The following CEP120 variants were observed in gnomAD, a reference collection of about 807,000 sequenced individuals.
The protein encoded by CEP120 is centrosomal protein of 120 kDa.
A neutral mutation model predicts 126.5 loss-of-function variants in CEP120; 113 were observed. That is an observed-to-expected ratio of 0.89 (90% CI 0.77 to 1.04). The LOEUF (loss-of-function observed/expected upper bound fraction) is 1.04, where lower values mean the gene tolerates loss of function less well. Among genes scored for constraint, CEP120 ranks in the 50% least tolerant of loss-of-function variants. The pLI is 0.00. For synonymous variants in CEP120, 400 were observed against 394.3 expected, an observed-to-expected ratio of 1.01 and a Z score of -0.17; for missense variants, 1,230 against 1,155.7, an observed-to-expected ratio of 1.06 and a Z score of -0.93.
rs948498487 is a variant in CEP120, at chr5:123,389,872, C to T, written c.1255+52G>A. 74 of 1,480,404 alleles carry T rather than the reference C, an allele frequency of 5.0e-5. No homozygotes were observed. In the African/African-American group the frequency reaches 9.4e-4, roughly 19 times the overall value. 91.7% of individuals were successfully genotyped at this position (1,480,404 alleles called of 1,614,324 possible). A position where few individuals can be genotyped will look rare whatever the true frequency, so the allele number is the denominator to read the frequency against. ...GTTCTCATAGTCATTTTTTAGATGGCTGCAAAATGCAATACCTCAAAGATC... is the reference window on the plus strand; with the variant it reads ...GTTCTCATAGTCATTTTTTAGATGGTTGCAAAATGCAATACCTCAAAGATC... On this transcript the variant is annotated intron_variant, in intron 8 of 19. Transcript: ENST00000306467.
At chr5:123,382,251 T>C (rs1771698271) in intron 13 of CEP120, 51 bp from the exon 14 acceptor site, 1 of 1,096,880 alleles carries the variant, frequency 9.1e-7, no homozygotes, top group Non-Finnish European at 1.3e-6. Flanking sequence ...ATATGTCAAA[T>C]AAATGAATCA....
intron 17 of CEP120, among the ~76,000 whole-genome samples, chr5:123,368,820 G>A (rs1770652941): frequency 1.3e-5 from 2 of 151,944 alleles, no homozygotes; most frequent in Non-Finnish European, 2.9e-5. Context: ...TATCACAACA[G>A]AGTGAATTCA....
chr5:123,403,724 T>C (rs1170611791), intron 4 of CEP120: 1 of 426,016 alleles, frequency 2.3e-6, no homozygotes. Context: ...GAACGTGGCA[T>C]CTGTTCGATG....
Position 123,393,477 on chromosome 5 carries a change from T to G in CEP120, c.633A>C (p.Lys211Asn). 6.2e-7 allele frequency: 1 copy of G among 1,613,906 alleles called. No homozygotes were observed. The highest frequency in any genetic ancestry group is 8.5e-7 in the Non-Finnish European group (1 of 1,179,838). ...QLEQLIPCTMKLPERQPEFFF... is the reference protein window; with the variant it reads ...QLEQLIPCTMNLPERQPEFFF... ...AAAACTCAGGCTGTCTTTCTGGAAG[T>G]TTCATGGTACATGGAATTAACTAAA... The change falls in exon 6 of 20, where the codon AAA (lysine) becomes AAC (asparagine). Residue 211 changes from lysine to asparagine, a missense_variant. Transcript: ENST00000306467.
At chr5:123,412,796 A>C (rs1318552242) in intron 3 of CEP120, among the ~76,000 whole-genome samples, 1 of 152,230 alleles carries the variant, frequency 6.6e-6, no homozygotes, top group Non-Finnish European at 1.5e-5. Flanking sequence ...AAATATTAAA[A>C]GGAAGAAAGC....
intron 18 of CEP120, 26 bp downstream of exon 18, chr5:123,364,470 A>C: frequency 5.4e-6 from 8 of 1,476,432 alleles, no homozygotes; most frequent in Non-Finnish European, 7.4e-6. Flanking sequence ...AAAAGATATA[A>C]AAAGAATAAG....
intron 18 of CEP120, among the ~76,000 whole-genome samples, chr5:123,363,279 G>A (rs577356752): frequency 3.3e-5 from 5 of 151,542 alleles, no homozygotes; most frequent in Admixed American, 1.3e-4. Flanking sequence ...TTAAATAGAC[G>A]TACTTTCTCC....
intron 6 of CEP120, 106 bp from the exon 7 acceptor site, chr5:123,391,443 T>C: frequency 1.2e-6 from 1 of 821,982 alleles, no homozygotes; most frequent in Non-Finnish European, 1.9e-6. Flanking sequence ...AAAGAAAATA[T>C]TATGCAGGTT....
chr5:123,413,820 T>A (rs1178383029), intron 3 of CEP120, among the ~76,000 whole-genome samples: 1 of 152,226 alleles, frequency 6.6e-6, no homozygotes, highest in Non-Finnish European at 1.5e-5. Flanking sequence ...TTATAACAAA[T>A]ATGTTATAAT....
At chr5:123,373,495 GGAGCA>G (rs1220496246) in intron 16 of CEP120, among the ~76,000 whole-genome samples, 1 of 152,038 alleles carries the variant, frequency 6.6e-6, no homozygotes, top group African/African-American at 2.4e-5. Context: ...CCAAAGAACA[GGAGCA>G]TAAAGAAGAG....
Position 123,391,150 on chromosome 5 carries a change from C to T in CEP120, c.998G>A (p.Gly333Glu). 6.2e-7 allele frequency: 1 copy of T among 1,614,144 alleles called. No homozygotes were observed. The highest frequency in any genetic ancestry group is 2.2e-5 in the East Asian group (1 of 44,882). ...TTCTCTCTGCAGAGCCACAGACACT[C>T]CCACAGTTGGGGCTAGCTCCACAGG... ...PIPVELAPTV[G>E]VSVALQREGI... is the part of the protein sequence containing the mutation. The change falls in exon 7 of 20, where the codon GGA (glycine) becomes GAA (glutamate). Residue 333 changes from glycine to glutamate, a missense_variant. Gly to Glu is a moderately conservative substitution (Grantham distance 98). Coordinates refer to ENST00000306467, the MANE Select transcript of CEP120 (RefSeq NM_001375405.1).
intron 18 of CEP120, among the ~76,000 whole-genome samples, chr5:123,361,134 C>T (rs1211676063): frequency 6.6e-6 from 1 of 151,744 alleles, no homozygotes; most frequent in Non-Finnish European, 1.5e-5. Context: ...CTGTTCACTG[C>T]TCAGCTTCTT....
At chr5:123,373,203 A>C (rs1770967928) in intron 16 of CEP120, among the ~76,000 whole-genome samples, 1 of 152,024 alleles carries the variant, frequency 6.6e-6, no homozygotes, top group South Asian at 2.1e-4. Context: ...AGAGCAGAGT[A>C]AGTGCAAGTT....
intron 18 of CEP120, among the ~76,000 whole-genome samples, chr5:123,355,682 G>A (rs1397026743): frequency 6.6e-6 from 1 of 151,702 alleles, no homozygotes; most frequent in Non-Finnish European, 1.5e-5. Context: ...CTGGATATTA[G>A]CCCTTTGTCA....
intron 18 of CEP120, among the ~76,000 whole-genome samples, chr5:123,363,965 G>A (rs1462424780): frequency 6.6e-6 from 1 of 151,414 alleles, no homozygotes; most frequent in Non-Finnish European, 1.5e-5. Flanking sequence ...AATTTCTTCT[G>A]AAGCTAACAG....
chr5:123,415,979 A>T (rs1259202195), intron 3 of CEP120, 31 bp downstream of exon 3: 3 of 1,378,810 alleles, frequency 2.2e-6, no homozygotes, highest in Non-Finnish European at 2.1e-6. Flanking sequence ...TGTCTAACAT[A>T]ATCATTAGCA....
At chr5:123,364,396 C>T (rs959013288) in intron 18 of CEP120, 100 bp downstream of exon 18, 28 of 532,712 alleles carry the variant, frequency 5.3e-5, no homozygotes, top group Admixed American at 1.4e-4. Flanking sequence ...TAGCAATATT[C>T]AAATGCAGAC....
intron 4 of CEP120, among the ~76,000 whole-genome samples, chr5:123,404,300 G>T (rs7720259): frequency 0.44 from 66,942 of 152,052 alleles, 14,678 homozygotes; most frequent in East Asian, 0.48. Flanking sequence ...ACTTCACTAC[G>T]TACAATGTAT....
chr5:123,359,212 T>A (rs1446268352), intron 18 of CEP120, among the ~76,000 whole-genome samples: 1 of 152,064 alleles, frequency 6.6e-6, no homozygotes, highest in African/African-American at 2.4e-5. Context: ...TAAACAGATC[T>A]ACTGTGCACA....
Sources: gnomAD v4.1 joint callset for allele counts (sites outside exome capture counted in the v4.1 genomes callset) on GRCh38, gnomAD v4.1.1 for gene constraint, MANE v1.5 for transcripts, NCBI Gene and HGNC (gene_info 2026-07-23, HGNC 2026-07-21) for gene names.